Variants in PCDH9 observed in about 807,000 individuals in gnomAD.
The protein encoded by PCDH9 is protocadherin 9.
A neutral mutation model predicts 70.6 loss-of-function variants in PCDH9; 24 were observed. That is an observed-to-expected ratio of 0.34 (90% CI 0.25 to 0.48). The LOEUF (loss-of-function observed/expected upper bound fraction) is 0.48. Among genes scored for constraint, PCDH9 ranks in the 20% least tolerant of loss-of-function variants. PCDH9 has a pLI of 0.99. For synonymous variants in PCDH9, 562 were observed against 558.5 expected, an observed-to-expected ratio of 1.01 and a Z score of -0.09; for missense variants, 1,281 against 1,503.6, an observed-to-expected ratio of 0.85 and a Z score of 2.45.
intron 2 of PCDH9, among the ~76,000 whole-genome samples, chr13:67,200,428 T>C (rs1402234596): frequency 1.3e-5 from 2 of 152,080 alleles, no homozygotes; most frequent in Non-Finnish European, 2.9e-5. Context: ...CATGATGGTA[T>C]AGGGTTTGTG....
intron 2 of PCDH9, among the ~76,000 whole-genome samples, chr13:67,178,104 T>A (rs2088513941): frequency 6.6e-6 from 1 of 152,094 alleles, no homozygotes; most frequent in South Asian, 2.1e-4. Context: ...CCCAAGGTTG[T>A]CCTTTTCTTC....
chr13:66,586,488 T>C (rs1451061775), intron 4 of PCDH9, among the ~76,000 whole-genome samples: 1 of 152,042 alleles, frequency 6.6e-6, no homozygotes, highest in Non-Finnish European at 1.5e-5. Flanking sequence ...GCTCAGCTGT[T>C]ATGGCTAGAA....
At chr13:67,058,905 A>G (rs1161634254) in intron 2 of PCDH9, among the ~76,000 whole-genome samples, 2 of 152,126 alleles carry the variant, frequency 1.3e-5, no homozygotes, top group African/African-American at 4.8e-5. Context: ...TTTTAAAAAG[A>G]AAGGTCTTTC....
At chr13:66,794,977 G>GCGCACACACACACA (rs138730894) in intron 3 of PCDH9, among the ~76,000 whole-genome samples, 2 of 147,286 alleles carry the variant, frequency 1.4e-5, no homozygotes, top group Non-Finnish European at 3.0e-5. Context: ...ACACACACAG[G>GCGCACACACACACA]CACACACACA....
In PCDH9 at chr13:67,091,048, A is replaced by G. The variant is rs528769340; in HGVS notation, c.3036+134357T>C. On this transcript the variant is annotated intron_variant, in intron 2 of 4. Transcript: ENST00000377865. Reference sequence around the variant, plus strand: ...GTACTTTTCTTCCAAACTTCGTGTTAGATCTGGCAGTGGTTATGAAATGAC... The same window carrying G: ...GTACTTTTCTTCCAAACTTCGTGTTGGATCTGGCAGTGGTTATGAAATGAC... 9.9e-5 allele frequency among the ~76,000 whole-genome samples: 15 copies of G among 152,196 alleles called. No individual in the cohort carries two copies. In the South Asian group the frequency reaches 2.1e-3, roughly 21 times the overall value.
chr13:66,790,890 C>T (rs1196871256), intron 3 of PCDH9, among the ~76,000 whole-genome samples: 1 of 152,080 alleles, frequency 6.6e-6, no homozygotes, highest in Non-Finnish European at 1.5e-5. Context: ...TGTATTTTAT[C>T]TTAGCCAGCT....
At chr13:67,106,462 G>A (rs558069129) in intron 2 of PCDH9, among the ~76,000 whole-genome samples, 1 of 152,340 alleles carries the variant, frequency 6.6e-6, no homozygotes, top group Middle Eastern at 3.4e-3. Flanking sequence ...AAAAGCAGGA[G>A]GTTAATCATC....
At chr13:66,461,087 T>G (rs190643877) in intron 4 of PCDH9, among the ~76,000 whole-genome samples, 1 of 151,920 alleles carries the variant, frequency 6.6e-6, no homozygotes, top group Non-Finnish European at 1.5e-5. Flanking sequence ...GTGCTAAGTA[T>G]AGCCTCAAGA....
intron 4 of PCDH9, among the ~76,000 whole-genome samples, chr13:66,525,091 C>T (rs925769031): frequency 1.3e-5 from 2 of 152,012 alleles, no homozygotes; most frequent in Admixed American, 1.3e-4. Context: ...CTAACCTCAG[C>T]TGAATACTCC....
intron 2 of PCDH9, among the ~76,000 whole-genome samples, chr13:67,043,694 T>C (rs889894326): frequency 6.6e-6 from 1 of 152,150 alleles, no homozygotes; most frequent in Non-Finnish European, 1.5e-5. Flanking sequence ...CAAGAATCCA[T>C]AGTTAGAGCA....
chr13:66,844,578 C>G (rs553715491), intron 3 of PCDH9, among the ~76,000 whole-genome samples: 4 of 137,956 alleles, frequency 2.9e-5, no homozygotes, highest in Admixed American at 2.3e-4. Context: ...GGGCGAGACT[C>G]TGTCTCAAAA....
At chr13:66,377,619 A>G (rs530531880) in intron 4 of PCDH9, among the ~76,000 whole-genome samples, 26 of 152,334 alleles carry the variant, frequency 1.7e-4, no homozygotes, top group African/African-American at 6.0e-4. Flanking sequence ...GGAGTCAATA[A>G]TATGAAAGGA....
chr13:66,600,764 ACGTGTG>A lies in PCDH9; in HGVS notation c.3340+30440_3340+30445del, dbSNP rs889226931. ...AACATTTTGGATGAACTAATTAAGA[ACGTGTG>A]TGTGTGTGTGTGTGTGTGTGTGTGT... On this transcript the variant is annotated intron_variant, in intron 4 of 4. Coordinates refer to ENST00000377865, the MANE Select transcript of PCDH9 (RefSeq NM_203487.3). Among the ~76,000 whole-genome samples, 12 of 51,372 alleles carry A rather than the reference ACGTGTG, an allele frequency of 2.3e-4. 2 individuals are homozygous for A. Among genetic ancestry groups the A allele is most frequent in the Admixed American group, 2.1e-3 (7 of 3,306 alleles). 33.7% of individuals were successfully genotyped at this position (51,372 alleles called of 152,430 possible).
chr13:66,748,442 T>C (rs958721934), intron 3 of PCDH9, among the ~76,000 whole-genome samples: 2 of 152,220 alleles, frequency 1.3e-5, no homozygotes, highest in African/African-American at 2.4e-5. Context: ...TCTGAAACAC[T>C]CAGAATATTC....
chr13:66,479,890 A>G (rs947631095), intron 4 of PCDH9, among the ~76,000 whole-genome samples: 10 of 152,172 alleles, frequency 6.6e-5, no homozygotes, highest in African/African-American at 1.9e-4. Context: ...CAAATAAGGG[A>G]ATAAAAGCTG....
At chr13:66,604,343 T>C (rs530931793) in intron 4 of PCDH9, among the ~76,000 whole-genome samples, 1 of 152,244 alleles carries the variant, frequency 6.6e-6, no homozygotes, top group Non-Finnish European at 1.5e-5. Flanking sequence ...ATATTATACA[T>C]ATAATTTAAA....
rs543595111 is a variant in PCDH9, at chr13:66,413,997, CT to C, written c.3341-108970del. On this transcript the variant is annotated intron_variant, in intron 4 of 4. Coordinates refer to ENST00000377865, the MANE Select transcript of PCDH9 (RefSeq NM_203487.3). Reference sequence around the variant, plus strand: ...TTTCTTCCTTATGTAAAATTCTTATCTAGACAATGAATAGAAAAGGGGCTTT... The same window carrying C: ...TTTCTTCCTTATGTAAAATTCTTATCAGACAATGAATAGAAAAGGGGCTTT... Among the ~76,000 whole-genome samples the C allele has an allele frequency of 4.4e-3, 662 of 151,936 alleles. 4 individuals carry two copies. Among genetic ancestry groups the C allele is most frequent in the African/African-American group, 0.014 (598 of 41,486 alleles).
chr13:67,137,005 T>A (rs1287230579), intron 2 of PCDH9, among the ~76,000 whole-genome samples: 2 of 151,978 alleles, frequency 1.3e-5, no homozygotes, highest in African/African-American at 4.8e-5. Context: ...GTAGATAATT[T>A]TCATAAATCA....
At chr13:67,181,397 A>G (rs2088611723) in intron 2 of PCDH9, among the ~76,000 whole-genome samples, 4 of 152,196 alleles carry the variant, frequency 2.6e-5, no homozygotes, top group African/African-American at 9.7e-5. Flanking sequence ...GAGGAAATTC[A>G]TATCACAGGA....
Sources: gnomAD v4.1 joint callset for allele counts (sites outside exome capture counted in the v4.1 genomes callset) on GRCh38, gnomAD v4.1.1 for gene constraint, MANE v1.5 for transcripts, NCBI Gene and HGNC (gene_info 2026-07-23, HGNC 2026-07-21) for gene names.